Variants in HIVEP2 observed in about 807,000 individuals in gnomAD.
HIVEP2 encodes the protein transcription factor HIVEP2.
A neutral mutation model predicts 180.7 loss-of-function variants in HIVEP2; 14 were observed. The ratio of observed to expected loss-of-function variants is 0.08; its 90% confidence interval spans 0.05 to 0.12. The LOEUF is 0.12. Ranked by LOEUF, HIVEP2 falls within the 10% of genes least tolerant of loss-of-function variation. The pLI, the probability that HIVEP2 is intolerant of heterozygous loss-of-function variation, is 1.00. For missense variants in HIVEP2, 2,579 were observed against 3,008.5 expected, an observed-to-expected ratio of 0.86 and a Z score of 3.34; for synonymous variants, 1,184 against 1,136.4, an observed-to-expected ratio of 1.04 and a Z score of -0.84.
In HIVEP2 at chr6:142,760,651, C is replaced by G. The variant is rs1333321827; in HGVS notation, c.5637G>C (p.Leu1879Phe). The change falls in exon 9 of 10, where the codon TTG becomes TTC. Residue 1879 changes from leucine (L) to phenylalanine (F), a missense_variant. Transcript: ENST00000367603. Reference protein sequence around the residue: ...ETEEAENLEDLHKAAEKHSMS... With the variant: ...ETEEAENLEDFHKAAEKHSMS... ...TGCTATGCTTCTCTGCTGCTTTGTG[C>G]AAATCTTCCAAATTTTCTGAAACAA... The G allele has an allele frequency of 6.3e-7, 1 of 1,592,252 alleles. No homozygotes were observed. Among genetic ancestry groups the G allele is most frequent in the East Asian group, 2.2e-5 (1 of 44,702 alleles).
chr6:142,911,381 T>C (rs910000038), intron 1 of HIVEP2, among the ~76,000 whole-genome samples: 5 of 152,282 alleles, frequency 3.3e-5, no homozygotes, highest in South Asian at 2.1e-4. Flanking sequence ...GGAGAAAATA[T>C]GTATAATCAT....
At chr6:142,887,088 G>A (rs778164833) in intron 1 of HIVEP2, among the ~76,000 whole-genome samples, 1 of 152,084 alleles carries the variant, frequency 6.6e-6, no homozygotes, top group African/African-American at 2.4e-5. Context: ...GGAAGTACAC[G>A]TGTACCTCCA....
At chr6:142,785,512 G>A (rs1775977767) in intron 2 of HIVEP2, among the ~76,000 whole-genome samples, 1 of 152,052 alleles carries the variant, frequency 6.6e-6, no homozygotes, top group South Asian at 2.1e-4. Flanking sequence ...TAAGAGGCAA[G>A]AAGGTAAAAG....
chr6:142,799,972 C>T (rs1213729211), intron 2 of HIVEP2, among the ~76,000 whole-genome samples: 1 of 152,122 alleles, frequency 6.6e-6, no homozygotes, highest in Non-Finnish European at 1.5e-5. Flanking sequence ...GGTCAAATTG[C>T]TAAAGGCTAT....
chr6:142,911,429 T>C (rs1777404109), intron 1 of HIVEP2, among the ~76,000 whole-genome samples: 1 of 152,174 alleles, frequency 6.6e-6, no homozygotes. Context: ...AAGAGAAGTG[T>C]CCTGCAGGCT....
chr6:142,813,861 T>A (rs899727371), intron 2 of HIVEP2, among the ~76,000 whole-genome samples: 1 of 151,970 alleles, frequency 6.6e-6, no homozygotes. Context: ...CCACCATGCC[T>A]GGCCTCAGAT....
intron 9 of HIVEP2, among the ~76,000 whole-genome samples, chr6:142,758,099 C>A (rs1471927986): frequency 6.6e-6 from 1 of 152,180 alleles, no homozygotes; most frequent in African/African-American, 2.4e-5. Context: ...ATCCCATGAT[C>A]CAGGAGATTT....
At position 142,772,564 on chromosome 6, in the gene HIVEP2, A is replaced by T. The variant is rs1378858014; in HGVS notation, c.2175T>A (p.Ala725=). The T allele has an allele frequency of 5.6e-6, 9 of 1,614,070 alleles. No homozygotes were observed. Among genetic ancestry groups the T allele is most frequent in the Non-Finnish European group, 1.7e-6 (2 of 1,180,026 alleles). ...TCTGCAGTTTGGGGTCATAATCGGA[A>T]GCCATGATGCCCACAGGAGTGCTTA... is the stretch of plus-strand genomic sequence containing the variant. ...SIVSTPVGIM[A]SDYDPKLQMQ... Residue 725 remains alanine (A), a synonymous_variant, in exon 5 of 10, where the codon GCT becomes GCA. Coordinates refer to ENST00000367603, the MANE Select transcript of HIVEP2 (RefSeq NM_006734.4). The surrounding 1 kb of genome is among the most constrained non-coding windows in gnomAD (Gnocchi z 4.9).
At position 142,769,984 on chromosome 6, in the gene HIVEP2, A is replaced by G; in HGVS notation, c.4755T>C (p.Ser1585=). The G allele has an allele frequency of 1.2e-6, 2 of 1,614,122 alleles. No homozygotes were observed. Among genetic ancestry groups the G allele is most frequent in the Non-Finnish European group, 1.7e-6 (2 of 1,180,036 alleles). The change falls in exon 5 of 10, where the codon TCT becomes TCC. Residue 1585 remains serine (S), a synonymous_variant. Coordinates refer to ENST00000367603, the MANE Select transcript of HIVEP2 (RefSeq NM_006734.4). ...GCTGACCATCTCCTGCTGGTAATGA[A>G]GAACTCTGTGGGCTCATGCTCATGT... ...ASDMSMSPQS[S]SLPAGDGQLE... is the part of the protein sequence containing the mutation.
chr6:142,788,605 C>A (rs148408123), intron 2 of HIVEP2, among the ~76,000 whole-genome samples: 1 of 152,146 alleles, frequency 6.6e-6, no homozygotes, highest in Non-Finnish European at 1.5e-5. Flanking sequence ...CCCAACTACT[C>A]AGGAGGCTGA....
chr6:142,776,947 G>A (rs925849977), intron 3 of HIVEP2, among the ~76,000 whole-genome samples: 13 of 152,106 alleles, frequency 8.5e-5, no homozygotes, highest in South Asian at 6.2e-4. Flanking sequence ...AGATGATGGC[G>A]TATGGCTCAG....
intron 3 of HIVEP2, among the ~76,000 whole-genome samples, chr6:142,783,189 A>C (rs977217682): frequency 1.3e-4 from 20 of 151,882 alleles, no homozygotes; most frequent in Admixed American, 1.1e-3. Flanking sequence ...TTAGCCGGGC[A>C]TGGTGGCAGG....
At chr6:142,823,438 C>T (rs76200886) in intron 2 of HIVEP2, among the ~76,000 whole-genome samples, 3,087 of 152,212 alleles carry the variant, frequency 0.02, 41 homozygotes, top group Middle Eastern at 0.034. Context: ...CCTGAAGGTT[C>T]GTGGATTGTG....
In HIVEP2 at chr6:142,937,733, C is replaced by T. The variant is rs149391883; in HGVS notation, c.-641+7366G>A. On this transcript the variant is annotated intron_variant, in intron 1 of 9. Coordinates refer to ENST00000367603, the MANE Select transcript of HIVEP2 (RefSeq NM_006734.4). ...CAAAGCATTTTCGGAGCCAAAGAACCCTGAGTTGGAATCCTGCTTCACCAA... is the reference window on the plus strand; with the variant it reads ...CAAAGCATTTTCGGAGCCAAAGAACTCTGAGTTGGAATCCTGCTTCACCAA... Among the ~76,000 whole-genome samples the T allele has an allele frequency of 2.3e-3, 346 of 152,272 alleles. 1 individual carries two copies. Among genetic ancestry groups the T allele is most frequent in the African/African-American group, 6.4e-3 (266 of 41,536 alleles).
intron 9 of HIVEP2, among the ~76,000 whole-genome samples, chr6:142,758,792 C>A (rs1391454596): frequency 6.6e-6 from 1 of 152,164 alleles, no homozygotes; most frequent in Admixed American, 6.5e-5. Flanking sequence ...TCATAGAAAT[C>A]TCTGCACATT....
intron 2 of HIVEP2, among the ~76,000 whole-genome samples, chr6:142,814,821 A>C (rs957772485): frequency 2.6e-5 from 4 of 152,220 alleles, no homozygotes; most frequent in African/African-American, 9.6e-5. Flanking sequence ...AAATCAAAGT[A>C]GATAAAACAC....
intron 1 of HIVEP2, among the ~76,000 whole-genome samples, chr6:142,903,635 A>G (rs954363110): frequency 1.3e-5 from 2 of 152,036 alleles, no homozygotes; most frequent in Non-Finnish European, 2.9e-5. Context: ...AAAATTGCAG[A>G]AAAAAAATGA....
At chr6:142,884,786 G>A (rs1158105973) in intron 1 of HIVEP2, among the ~76,000 whole-genome samples, 1 of 152,142 alleles carries the variant, frequency 6.6e-6, no homozygotes, top group African/African-American at 2.4e-5. Context: ...ACTACATCCA[G>A]TTCAGGAACC....
In HIVEP2 at chr6:142,888,067, G is replaced by GA. The variant is rs569198528; in HGVS notation, c.-640-51021_-640-51020insT. 1.2e-4 allele frequency among the ~76,000 whole-genome samples: 18 copies of GA among 151,974 alleles called. No homozygotes were observed. In the East Asian group the frequency reaches 3.3e-3, roughly 28 times the overall value. On this transcript the variant is annotated intron_variant, in intron 1 of 9. Coordinates refer to ENST00000367603, the MANE Select transcript of HIVEP2 (RefSeq NM_006734.4). ...ACCATGACAATAAATCATTTTACATGTTTTAACTATATTCAAAAAATGGGA... is the reference window on the plus strand; with the variant it reads ...ACCATGACAATAAATCATTTTACATGATTTTAACTATATTCAAAAAATGGGA...
Sources: gnomAD v4.1 joint callset for allele counts (sites outside exome capture counted in the v4.1 genomes callset) on GRCh38, gnomAD v4.1.1 for gene constraint, Gnocchi (gnomAD v3.1) non-coding constraint, MANE v1.5 for transcripts, NCBI Gene and HGNC (gene_info 2026-07-23, HGNC 2026-07-21) for gene names.